Variants in MBNL2 observed in about 807,000 individuals in gnomAD.
The protein encoded by MBNL2 is muscleblind like splicing regulator 2.
Under a neutral mutation model 41.9 loss-of-function variants are expected in MBNL2, and 17 were observed. The observed-to-expected ratio is 0.41, with a 90% CI of 0.28 to 0.61. The LOEUF (loss-of-function observed/expected upper bound fraction) is 0.61, where lower values mean the gene tolerates loss of function less well. Ranked by LOEUF, MBNL2 falls within the 20% of genes least tolerant of loss-of-function variation. The pLI, the probability that MBNL2 is intolerant of heterozygous loss-of-function variation, is 0.35. For synonymous variants in MBNL2, 195 were observed against 182.9 expected, an observed-to-expected ratio of 1.07 and a Z score of -0.53; for missense variants, 336 against 505.6, an observed-to-expected ratio of 0.66 and a Z score of 3.22.
At chr13:97,364,308 G>A (rs2153118583) in intron 7 of MBNL2, among the ~76,000 whole-genome samples, 1 of 152,310 alleles carries the variant, frequency 6.6e-6, no homozygotes, top group South Asian at 2.1e-4. Context: ...GGATCACTTT[G>A]TAGTAGTCAT....
the MBNL2 span, among the ~76,000 whole-genome samples, chr13:97,171,855 G>A: frequency 4.6e-5 from 7 of 152,080 alleles, no homozygotes; most frequent in Admixed American, 2.6e-4. Context: ...TCATGGTAGC[G>A]AATAAGTCAC....
At chr13:97,324,249 T>C (rs4578507) in intron 2 of MBNL2, among the ~76,000 whole-genome samples, 42,428 of 152,064 alleles carry the variant, frequency 0.28, 6,199 homozygotes, top group Non-Finnish European at 0.33. Context: ...CTATTTTAAT[T>C]GTCATTTTAA....
At chr13:97,206,257 T>C in the MBNL2 span, among the ~76,000 whole-genome samples, 1 of 152,248 alleles carries the variant, frequency 6.6e-6, no homozygotes, top group Non-Finnish European at 1.5e-5. Context: ...TTTTTCTTTT[T>C]TCTGTTTCCA....
intron 1 of MBNL2, among the ~76,000 whole-genome samples, chr13:97,227,804 G>T (rs2041864826): frequency 6.6e-6 from 1 of 152,158 alleles, no homozygotes; most frequent in Non-Finnish European, 1.5e-5. Flanking sequence ...TGGTAGCCTA[G>T]ATGCCAAGGA....
intron 2 of MBNL2, among the ~76,000 whole-genome samples, chr13:97,320,587 C>T (rs1566414883): frequency 6.6e-6 from 1 of 152,090 alleles, no homozygotes; most frequent in Non-Finnish European, 1.5e-5. Context: ...TCTCTCACAG[C>T]TCTGATAGCC....
intron 8 of MBNL2, among the ~76,000 whole-genome samples, chr13:97,382,706 A>C (rs1594295944): frequency 3.0e-5 from 4 of 131,578 alleles, no homozygotes; most frequent in Admixed American, 8.6e-5. Context: ...AGGGTGTCTC[A>C]CTCTGTCACC....
chr13:97,371,655 C>T (rs1443722910), intron 8 of MBNL2, among the ~76,000 whole-genome samples: 7 of 151,930 alleles, frequency 4.6e-5, no homozygotes, highest in South Asian at 2.1e-4. Context: ...CAGATGGATT[C>T]GAGGCGGGAG....
chr13:97,344,811 CCTT>C (rs2061706849), intron 4 of MBNL2, among the ~76,000 whole-genome samples: 2 of 152,328 alleles, frequency 1.3e-5, no homozygotes, highest in Admixed American at 6.5e-5. Flanking sequence ...AACAAATTGT[CCTT>C]CTCAACAGGG....
At chr13:97,275,500 T>G (rs2052016787) in intron 1 of MBNL2, 132 bp from the exon 2 acceptor site, 1 of 152,228 alleles carries the variant, frequency 6.6e-6, no homozygotes, top group Non-Finnish European at 1.5e-5. Context: ...ATGCATAACT[T>G]TTCTCACTAT....
At chr13:97,270,892 C>T (rs1946694309) in intron 1 of MBNL2, among the ~76,000 whole-genome samples, 1 of 152,158 alleles carries the variant, frequency 6.6e-6, no homozygotes, top group Non-Finnish European at 1.5e-5. Context: ...CATCTGCCTG[C>T]CTGTACCCAC....
chr13:97,353,953 C>G (rs1278444368), intron 5 of MBNL2, among the ~76,000 whole-genome samples: 1 of 151,894 alleles, frequency 6.6e-6, no homozygotes, highest in Non-Finnish European at 1.5e-5. Flanking sequence ...TGTTTTCTGA[C>G]CCCTCAGATC....
the MBNL2 span, among the ~76,000 whole-genome samples, chr13:97,168,869 T>C: frequency 6.6e-6 from 1 of 152,220 alleles, no homozygotes; most frequent in Non-Finnish European, 1.5e-5. Context: ...TCTCATGCCT[T>C]GTCTCATCTG....
chr13:97,343,026 C>G lies in MBNL2; in HGVS notation c.350C>G (p.Pro117Arg). Residue 117 changes from proline to arginine, a missense_variant, in exon 4 of 9, where the codon CCT becomes CGT. Transcript: ENST00000679496. The stretch of plus-strand genomic sequence containing the variant: ...GTCTTCCTTTAACAGCCCACTTTCC[C>G]TGTAGGTCCCGCGATAGGGACAAAT... ...GTPLHPVPTF[P>R]VGPAIGTNTA... 6.2e-7 allele frequency: 1 copy of G among 1,610,630 alleles called. No homozygotes were observed. The highest frequency in any genetic ancestry group is 8.5e-7 in the Non-Finnish European group (1 of 1,176,866).
At chr13:97,293,208 A>T (rs1342751952) in intron 2 of MBNL2, among the ~76,000 whole-genome samples, 1 of 152,184 alleles carries the variant, frequency 6.6e-6, no homozygotes, top group Non-Finnish European at 1.5e-5. Flanking sequence ...GCTACAAAAA[A>T]TAGTTTTGGC....
the MBNL2 span, among the ~76,000 whole-genome samples, chr13:97,207,202 G>A: frequency 6.6e-6 from 1 of 152,232 alleles, no homozygotes; most frequent in Non-Finnish European, 1.5e-5. Flanking sequence ...CAATAAGAGT[G>A]AGGTTAGGGG....
chr13:97,305,708 G>A (rs545287236), intron 2 of MBNL2, among the ~76,000 whole-genome samples: 2 of 152,096 alleles, frequency 1.3e-5, no homozygotes, highest in Admixed American at 6.5e-5. Context: ...GGTTGAGGCT[G>A]CAGTAAGCCG....
At chr13:97,329,394 T>A (rs1038610803) in intron 2 of MBNL2, among the ~76,000 whole-genome samples, 3 of 152,120 alleles carry the variant, frequency 2.0e-5, no homozygotes, top group African/African-American at 4.8e-5. Context: ...ATAAATCTGA[T>A]CTTGTTATTC....
chr13:97,177,214 C>T, the MBNL2 span, among the ~76,000 whole-genome samples: 1 of 152,118 alleles, frequency 6.6e-6, no homozygotes, highest in East Asian at 1.9e-4. Context: ...TGGCATGTGC[C>T]TGTAGTCCCA....
rs367658890 is a variant in MBNL2, at chr13:97,276,421, C to T, written c.174+12C>T. On this transcript the variant is annotated intron_variant, in intron 2 of 8. Coordinates refer to ENST00000679496, the MANE Select transcript of MBNL2 (RefSeq NM_001382683.1). ...TTGATTCCCTAAAGGTAAGAGAATG[C>T]GTTTTATGTGTCATTTCAATACCAC... 3.1e-5 allele frequency: 50 copies of T among 1,611,388 alleles called. No homozygotes were observed. Among genetic ancestry groups the T allele is most frequent in the Admixed American group, 1.0e-4 (6 of 59,934 alleles).
Sources: allele counts gnomAD v4.1 joint callset (sites outside exome capture counted in the v4.1 genomes callset), GRCh38; gene constraint gnomAD v4.1.1; transcripts MANE v1.5; gene names NCBI Gene and HGNC (gene_info 2026-07-23, HGNC 2026-07-21).